SPTBN5: variants seen among roughly 807,000 people sequenced by gnomAD.
SPTBN5 encodes the protein spectrin beta, non-erythrocytic 5.
SPTBN5 carries 513 observed loss-of-function variants against 477.6 expected under a neutral mutation model. The observed-to-expected ratio is 1.07, with a 90% CI of 1.00 to 1.16. SPTBN5 has a LOEUF of 1.16. Among genes scored for constraint, SPTBN5 ranks in the 50% most tolerant of loss-of-function variants. The pLI is 0.00. For missense variants in SPTBN5, 5,062 were observed against 4,731.8 expected (o/e 1.07, Z -2.05); for synonymous variants, 2,169 against 2,011.7 (o/e 1.08, Z -2.09).
chr15:41,868,207 C>T lies in SPTBN5; in HGVS notation c.6069G>A (p.Glu2023=). Residue 2023 remains glutamate, a synonymous_variant, in exon 34 of 68, where the codon GAG becomes GAA. Transcript: ENST00000320955. ...AGTPTKEVQE[E]LRALQDQRDQ... ...CCCGCTGGTCCTGCAGGGCTCGAAG[C>T]TCTTCCTGGACCTGGGGATGGACAC... The T allele has an allele frequency of 2.5e-6, 4 of 1,581,238 alleles. No individual in the cohort carries two copies. Among genetic ancestry groups the T allele is most frequent in the Non-Finnish European group, 3.4e-6 (4 of 1,163,646 alleles).
Position 41,876,208 on chromosome 15 carries a change from C to G in SPTBN5, c.4028G>C (p.Gly1343Ala). Residue 1343 changes from glycine to alanine, a missense_variant, in exon 21 of 68, where the codon GGA (glycine) becomes GCA (alanine). By Grantham distance (60) the Gly-to-Ala change is moderately conservative. Transcript: ENST00000320955. ...TGTCTGCAGGATGTTTCTGCGCGCT[C>G]CGGAGGGCTCATGCGCAGCCATCAG... ...KGLMAAHEPS[G>A]ARRNILQTLK... The G allele has an allele frequency of 6.2e-7, 1 of 1,605,132 alleles. No homozygotes were observed. Among genetic ancestry groups the G allele is most frequent in the Non-Finnish European group, 8.5e-7 (1 of 1,179,386 alleles).
intron 57 of SPTBN5, 64 bp downstream of exon 57, chr15:41,853,986 G>T: frequency 6.7e-7 from 1 of 1,501,978 alleles, no homozygotes; most frequent in Non-Finnish European, 8.9e-7. Context: ...GCTGAGATAG[G>T]TCCCCTCAGC....
At position 41,869,969 on chromosome 15, in the gene SPTBN5, G is replaced by A; in HGVS notation, c.5725C>T (p.Pro1909Ser). Residue 1909 changes from proline (P) to serine (S), a missense_variant, in exon 32 of 68, where the codon CCT becomes TCT. Physicochemically the swap from Pro to Ser is moderately conservative, Grantham distance 74 (BLOSUM62 -1). Transcript: ENST00000320955. ...AGRVQKLCPG[P>S]QAHAVQQRQQ... ...CTCTGCTGCACCGCATGGGCCTGAG[G>A]CCCCGGACACAGCTTCTGCACCCTG... 6.5e-7 allele frequency: 1 copy of A among 1,539,834 alleles called. No individual in the cohort carries two copies. Among genetic ancestry groups the A allele is most frequent in the Non-Finnish European group, 8.8e-7 (1 of 1,141,512 alleles).
At chr15:41,873,382 A>G in intron 26 of SPTBN5, 110 bp downstream of exon 26, 2 of 835,422 alleles carry the variant, frequency 2.4e-6, no homozygotes, top group Non-Finnish European at 3.8e-6. Context: ...CTGTGTCTCC[A>G]GGAAGCAAGA....
At chr15:41,892,590 G>C (rs891750345) in intron 3 of SPTBN5, among the ~76,000 whole-genome samples, 37 of 152,200 alleles carry the variant, frequency 2.4e-4, no homozygotes, top group African/African-American at 8.9e-4. Flanking sequence ...AAGCCTAAGA[G>C]AACGCTAAGA....
Position 41,860,635 on chromosome 15 carries a change from G to A in SPTBN5, c.7939C>T (p.His2647Tyr). 1 of 1,535,318 alleles carries A rather than the reference G, an allele frequency of 6.5e-7. No homozygotes were observed. Among genetic ancestry groups the A allele is most frequent in the Non-Finnish European group, 8.8e-7 (1 of 1,139,874 alleles). ...ATARGLHQGG[H>Y]PEAQSALGRC... Reference sequence around the variant, plus strand: ...CCCAGGGCACTCTGGGCCTCGGGGTGCCCACCCTGGTGCAGGCCGCGGGCC... The same window carrying A: ...CCCAGGGCACTCTGGGCCTCGGGGTACCCACCCTGGTGCAGGCCGCGGGCC... The change falls in exon 47 of 68, where the codon CAC (histidine) becomes TAC (tyrosine). Residue 2647 changes from histidine (H) to tyrosine (Y), a missense_variant. Physicochemically the swap from His to Tyr is moderately conservative, Grantham distance 83. Coordinates refer to ENST00000320955, the MANE Select transcript of SPTBN5 (RefSeq NM_016642.4).
intron 44 of SPTBN5, 42 bp from the exon 45 acceptor site, chr15:41,861,965 G>A: frequency 6.4e-7 from 1 of 1,571,498 alleles, no homozygotes; most frequent in Non-Finnish European, 8.6e-7. Flanking sequence ...GCTGGAAGCA[G>A]CCCAGCAGGC....
rs2065694977 is a variant in SPTBN5, at chr15:41,849,928, T to G, written c.10953A>C (p.Lys3651Asn). 1 of 1,596,786 alleles carries G rather than the reference T, an allele frequency of 6.3e-7. No individual in the cohort carries two copies. The highest frequency in any genetic ancestry group is 8.5e-7 in the Non-Finnish European group (1 of 1,171,492). Residue 3651 changes from lysine (K) to asparagine (N), a missense_variant, in exon 67 of 68, where the codon AAA becomes AAC. Physicochemically the swap from Lys to Asn is moderately conservative, Grantham distance 94. Coordinates refer to ENST00000320955, the MANE Select transcript of SPTBN5 (RefSeq NM_016642.4). ...TGCACTCATTCAGAGAGCTGACAGG[T>G]TTGGCTTTGAGTTTTGGGCTCAGAC... ...AQSLSPKLKAKPVSSLNECTT... is the reference protein window; with the variant it reads ...AQSLSPKLKANPVSSLNECTT...
At position 41,882,999 on chromosome 15, in the gene SPTBN5, G is replaced by A. The variant is rs759624429; in HGVS notation, c.1889C>T (p.Ala630Val). 8 of 1,539,672 alleles carry A rather than the reference G, an allele frequency of 5.2e-6. No homozygotes were observed. The highest frequency in any genetic ancestry group is 2.4e-5 in the South Asian group (2 of 84,314). ...AAGAGTTGGGGCAGGCTCTTACCGG[G>A]CCCTGACAAGAGCCACCAGGCTCTG... ...LQQSLVALVR[A>V]RRALLEQTLQ... Residue 630 changes from alanine (A) to valine (V), a missense_variant, in exon 9 of 68, where the codon GCC (alanine) becomes GTC (valine). By Grantham distance (64) the Ala-to-Val change is moderately conservative. Coordinates refer to ENST00000320955, the MANE Select transcript of SPTBN5 (RefSeq NM_016642.4).
At chr15:41,880,729 C>T (rs12708403) in intron 13 of SPTBN5, among the ~76,000 whole-genome samples, 30,536 of 152,222 alleles carry the variant, frequency 0.2, 3,539 homozygotes, top group Middle Eastern at 0.43. Context: ...GGCCCCCTTC[C>T]TACCTTTGCA....
chr15:41,890,474 G>T (rs541846050), intron 3 of SPTBN5, among the ~76,000 whole-genome samples: 1 of 152,386 alleles, frequency 6.6e-6, no homozygotes, highest in East Asian at 1.9e-4. Context: ...GACTCCCTGT[G>T]TGTGGGCTAC....
chr15:41,849,071 GTA>G (rs914294449), intron 67 of SPTBN5, among the ~76,000 whole-genome samples: 1 of 152,220 alleles, frequency 6.6e-6, no homozygotes, highest in African/African-American at 2.4e-5. Context: ...GCACACGGCT[GTA>G]TATGCGTGTG....
Position 41,857,689 on chromosome 15 carries a change from C to T in SPTBN5, c.8248G>A (p.Gly2750Arg), listed in dbSNP as rs1202392870. The T allele has an allele frequency of 1.9e-6, 3 of 1,578,630 alleles. No individual in the cohort carries two copies. Among genetic ancestry groups the T allele is most frequent in the Non-Finnish European group, 2.6e-6 (3 of 1,163,864 alleles). The change falls in exon 50 of 68, where the codon GGG becomes AGG. Residue 2750 changes from glycine (G) to arginine (R), a missense_variant. Transcript: ENST00000320955. ...LQREGQRLLQ[G>R]GHPASEAIQE... ...ATGGCCTCCGAGGCTGGGTGGCCCC[C>T]CTGCAGCAGCCTCTGTCCCTCCTGC...
Position 41,865,859 on chromosome 15 carries a change from G to T in SPTBN5, c.6867C>A (p.His2289Gln). 6.3e-7 allele frequency: 1 copy of T among 1,583,888 alleles called. No homozygotes were observed. The highest frequency in any genetic ancestry group is 1.2e-5 in the South Asian group (1 of 86,234). ...GGAGCCGCCGTCGGAGCTGCAGGCA[G>T]TGCTCCAGGTCCTGGCCCAGGTCAC... ...NVGDLGQDLEHCLQLRRRLRE... is the reference protein window; with the variant it reads ...NVGDLGQDLEQCLQLRRRLRE... Residue 2289 changes from histidine to glutamine, a missense_variant, in exon 39 of 68, where the codon CAC becomes CAA. Coordinates refer to ENST00000320955, the MANE Select transcript of SPTBN5 (RefSeq NM_016642.4).
In SPTBN5 at chr15:41,893,290, A is replaced by G. The variant is rs2067371423; in HGVS notation, c.208T>C (p.Cys70Arg). 1 of 1,613,972 alleles carries G rather than the reference A, an allele frequency of 6.2e-7. No homozygotes were observed. The highest frequency in any genetic ancestry group is 1.1e-5 in the South Asian group (1 of 91,082). ...CAGCTGGCTATACTCACCTGGCCGC[A>G]CTGGAAGACGTTATTGATCCACTTG... ...FTKWINNVFQ[C>R]GQAGIKIRNL... The change falls in exon 2 of 68, where the codon TGC (cysteine) becomes CGC (arginine). Residue 70 changes from cysteine to arginine, a missense_variant. Cys to Arg is a radical substitution (Grantham distance 180). Coordinates refer to ENST00000320955, the MANE Select transcript of SPTBN5 (RefSeq NM_016642.4).
chr15:41,848,743 C>T (rs951931488), intron 67 of SPTBN5, 115 bp from the exon 68 acceptor site: 102 of 1,239,124 alleles, frequency 8.2e-5, no homozygotes, highest in Admixed American at 2.2e-4. Flanking sequence ...CTAGAATAAG[C>T]GTGGGAGTGG....
chr15:41,875,853 G>T (rs1169778312), intron 21 of SPTBN5, among the ~76,000 whole-genome samples: 1 of 152,186 alleles, frequency 6.6e-6, no homozygotes, highest in East Asian at 1.9e-4. Context: ...TGGCTGGGGA[G>T]AGCCGTGTTC....
At chr15:41,852,464 G>A (rs2065797699) in intron 61 of SPTBN5, 148 bp from the exon 62 acceptor site, 2 of 1,345,834 alleles carry the variant, frequency 1.5e-6, no homozygotes, top group African/African-American at 1.4e-5. Flanking sequence ...GGCTCTGGAG[G>A]CTCACACCCA....
Position 41,888,060 on chromosome 15 carries a change from A to T in SPTBN5, c.527T>A (p.Leu176Gln). Residue 176 changes from leucine to glutamine, a missense_variant, in exon 5 of 68, where the codon CTG (leucine) becomes CAG (glutamine). By Grantham distance (113) the Leu-to-Gln change is moderately radical. Coordinates refer to ENST00000320955, the MANE Select transcript of SPTBN5 (RefSeq NM_016642.4). ...CAGCAGGGCTTCCTTGGTGGACAGC[A>T]GGGCTGCGCTGGCCCCAAACTCCTC... The part of the protein sequence containing the change: ...DKEEFGASAA[L>Q]LSTKEALLVW... 6.3e-7 allele frequency: 1 copy of T among 1,576,850 alleles called. No individual in the cohort carries two copies. Among genetic ancestry groups the T allele is most frequent in the Non-Finnish European group, 8.6e-7 (1 of 1,161,716 alleles).
Sources: allele counts gnomAD v4.1 joint callset (sites outside exome capture counted in the v4.1 genomes callset), GRCh38; gene constraint gnomAD v4.1.1; transcripts MANE v1.5; gene names NCBI Gene and HGNC (gene_info 2026-07-23, HGNC 2026-07-21).